The following KCNMA1 variants were observed in gnomAD, a reference collection of about 807,000 sequenced individuals.
KCNMA1 encodes potassium calcium-activated channel subfamily M alpha 1.
A neutral mutation model predicts 140.0 loss-of-function variants in KCNMA1; 29 were observed. The ratio of observed to expected loss-of-function variants is 0.21; its 90% CI spans 0.15 to 0.28. The LOEUF is 0.28. KCNMA1 is among the 10% of genes least tolerant of loss of function. The probability of loss-of-function intolerance (pLI) is 1.00; values close to 1 mark genes in which losing one functional copy is unlikely to be tolerated. For synonymous variants in KCNMA1, 612 were observed against 611.9 expected (o/e 1.00, Z 0.00); for missense variants, 880 against 1,602.2 (o/e 0.55, Z 7.70).
chr10:77,592,218 C>T (rs2079425720), intron 1 of KCNMA1, among the ~76,000 whole-genome samples: 1 of 152,112 alleles, frequency 6.6e-6, no homozygotes, highest in Non-Finnish European at 1.5e-5. Context: ...AATATACAGA[C>T]CGCCTATGAA....
chr10:77,625,048 C>T (rs980944356), intron 1 of KCNMA1, among the ~76,000 whole-genome samples: 1 of 152,006 alleles, frequency 6.6e-6, no homozygotes, highest in Non-Finnish European at 1.5e-5. Flanking sequence ...ATGTTTTTCC[C>T]TTTTCTCAAA....
At chr10:77,164,465 C>T (rs1193191483) in intron 5 of KCNMA1, among the ~76,000 whole-genome samples, 1 of 152,024 alleles carries the variant, frequency 6.6e-6, no homozygotes, top group African/African-American at 2.4e-5. Context: ...AAAACACAGA[C>T]ACAAACTCAT....
At chr10:77,634,223 G>C in intron 1 of KCNMA1, 2 of 985,362 alleles carry the variant, frequency 2.0e-6, no homozygotes, top group Non-Finnish European at 2.4e-6. Flanking sequence ...AGAGAGCTCT[G>C]ATGAAATCCC....
chr10:77,512,888 T>C (rs2048913503), intron 1 of KCNMA1, among the ~76,000 whole-genome samples: 1 of 152,158 alleles, frequency 6.6e-6, no homozygotes, highest in African/African-American at 2.4e-5. Context: ...GTTCCACTAT[T>C]AACTCCCACC....
intron 2 of KCNMA1, among the ~76,000 whole-genome samples, chr10:77,378,314 C>A (rs192505595): frequency 6.6e-6 from 1 of 152,190 alleles, no homozygotes; most frequent in Non-Finnish European, 1.5e-5. Flanking sequence ...CCACTTCCGT[C>A]GCAAAAGTGT....
intron 17 of KCNMA1, among the ~76,000 whole-genome samples, chr10:77,016,148 C>T (rs1052812652): frequency 6.6e-6 from 1 of 152,092 alleles, no homozygotes; most frequent in Non-Finnish European, 1.5e-5. Flanking sequence ...GGGTCCCTAT[C>T]CACAATGAAC....
chr10:76,962,438 G>C (rs952366193), intron 20 of KCNMA1, among the ~76,000 whole-genome samples: 10 of 152,148 alleles, frequency 6.6e-5, no homozygotes, highest in African/African-American at 2.2e-4. Context: ...TGGGAGATGA[G>C]AGGCTTGATT....
At chr10:77,384,119 C>T (rs1182856784) in intron 2 of KCNMA1, among the ~76,000 whole-genome samples, 1 of 152,210 alleles carries the variant, frequency 6.6e-6, no homozygotes, top group African/African-American at 2.4e-5. Context: ...AGATCACTGG[C>T]ATCACGCTGA....
intron 5 of KCNMA1, among the ~76,000 whole-genome samples, chr10:77,125,023 C>A (rs2097702797): frequency 6.6e-6 from 1 of 152,118 alleles, no homozygotes; most frequent in South Asian, 2.1e-4. Context: ...CCTTATAAAA[C>A]CATCAGATTT....
At chr10:77,593,759 G>T (rs148743689) in intron 1 of KCNMA1, among the ~76,000 whole-genome samples, 1 of 152,166 alleles carries the variant, frequency 6.6e-6, no homozygotes, top group Non-Finnish European at 1.5e-5. Context: ...CTGCTGCTTG[G>T]TGCTGTCTTT....
intron 1 of KCNMA1, among the ~76,000 whole-genome samples, chr10:77,597,171 A>G (rs1441573808): frequency 6.6e-6 from 1 of 152,180 alleles, no homozygotes; most frequent in Non-Finnish European, 1.5e-5. Context: ...TCAAAAGAGA[A>G]TGATTGAAAA....
At chr10:77,276,102 G>A (rs1213243245) in intron 2 of KCNMA1, among the ~76,000 whole-genome samples, 2 of 152,176 alleles carry the variant, frequency 1.3e-5, no homozygotes, top group Middle Eastern at 3.4e-3. Flanking sequence ...AGTCCTCTCC[G>A]CTTAACCAGG....
chr10:77,096,576 T>C (rs1176337068), intron 9 of KCNMA1, among the ~76,000 whole-genome samples: 1 of 152,136 alleles, frequency 6.6e-6, no homozygotes, highest in African/African-American at 2.4e-5. Context: ...AGGAAGACAA[T>C]GTAAAATGCA....
chr10:76,911,948 C>T (rs1461710408), intron 24 of KCNMA1: 1 of 152,214 alleles, frequency 6.6e-6, no homozygotes, highest in African/African-American at 2.4e-5. Context: ...TACCTCTTAT[C>T]AGGAAGATGG....
intron 2 of KCNMA1, among the ~76,000 whole-genome samples, chr10:77,300,059 C>T (rs542162682): frequency 2.5e-4 from 38 of 152,286 alleles, no homozygotes; most frequent in Middle Eastern, 3.4e-3. Flanking sequence ...AAAAATAATC[C>T]CTTGGCCTCA....
intron 2 of KCNMA1, among the ~76,000 whole-genome samples, chr10:77,360,594 T>G (rs530872525): frequency 1.3e-5 from 2 of 152,302 alleles, no homozygotes; most frequent in East Asian, 3.9e-4. Flanking sequence ...CCGGAGCACC[T>G]GGGACGACCG....
rs77252807 is a variant in KCNMA1, at chr10:77,277,270, G to A, written c.541-26014C>T. On this transcript the variant is annotated intron_variant, in intron 2 of 27. Coordinates refer to ENST00000286628, the MANE Select transcript of KCNMA1 (RefSeq NM_001161352.2). ...AACTCTAATGAGAAGGAGCATTCCT[G>A]GGCCTCAGCTCCCTGGGGTTCAGAC... Among the ~76,000 whole-genome samples the A allele has an allele frequency of 8.5e-3, 1,289 of 152,242 alleles. 17 individuals carry two copies. Among genetic ancestry groups the A allele is most frequent in the African/African-American group, 0.029 (1,216 of 41,528 alleles).
intron 20 of KCNMA1, among the ~76,000 whole-genome samples, chr10:76,963,895 A>G (rs2072776758): frequency 6.6e-6 from 1 of 152,098 alleles, no homozygotes; most frequent in Non-Finnish European, 1.5e-5. Context: ...CTGAGCCTGT[A>G]TCAGACACAG....
intron 14 of KCNMA1, among the ~76,000 whole-genome samples, chr10:77,047,545 G>C (rs1158939521): frequency 6.7e-6 from 1 of 149,750 alleles, no homozygotes; most frequent in African/African-American, 2.5e-5. Flanking sequence ...TAATAATTGA[G>C]AAATTATTTT....
Sources: allele counts gnomAD v4.1 joint callset (sites outside exome capture counted in the v4.1 genomes callset), GRCh38; gene constraint gnomAD v4.1.1; transcripts MANE v1.5; gene names NCBI Gene and HGNC (gene_info 2026-07-23, HGNC 2026-07-21).